The following MRE11 variants were observed in gnomAD, a reference collection of about 807,000 sequenced individuals.
The protein encoded by MRE11 is double-strand break repair protein MRE11.
A neutral mutation model predicts 91.7 loss-of-function variants in MRE11; 62 were observed. That is an observed-to-expected ratio of 0.68 (90% confidence interval 0.55 to 0.84). The LOEUF (loss-of-function observed/expected upper bound fraction) is 0.84. Ranked by LOEUF, MRE11 falls within the 40% of genes least tolerant of loss-of-function variation. MRE11 has a pLI of 0.00. For synonymous variants in MRE11, 273 were observed against 271.4 expected, an observed-to-expected ratio of 1.01 and a Z score of -0.06; for missense variants, 796 against 852.9, an observed-to-expected ratio of 0.93 and a Z score of 0.83.
At position 94,485,863 on chromosome 11, in the gene MRE11, G is replaced by C. The variant is rs1947127115; in HGVS notation, c.314+61C>G. On this transcript the variant is annotated intron_variant, in intron 4 of 19. Transcript: ENST00000323929. ...AGGCAAAACAGTTGTGTGTTTACGT[G>C]TCTTATACAGCAAATACCATACACA... 2.6e-6 allele frequency: 4 copies of C among 1,511,030 alleles called. No homozygotes were observed. In the East Asian group the frequency reaches 9.1e-5, roughly 34 times the overall value. 93.6% of individuals were successfully genotyped at this position (1,511,030 alleles called of 1,614,324 possible).
At chr11:94,491,225 G>T (rs769918638) in intron 2 of MRE11, among the ~76,000 whole-genome samples, 34 of 152,042 alleles carry the variant, frequency 2.2e-4, no homozygotes, top group Non-Finnish European at 3.5e-4. Flanking sequence ...TTATAACCTT[G>T]TTATAACCAG....
chr11:94,476,122 C>T (rs1946848192), intron 7 of MRE11, among the ~76,000 whole-genome samples, 167 bp downstream of exon 7: 1 of 152,070 alleles, frequency 6.6e-6, no homozygotes, highest in Admixed American at 6.5e-5. Flanking sequence ...TTAATATATA[C>T]TAAAAACAAT....
At chr11:94,455,220 C>T (rs938679384) in intron 14 of MRE11, among the ~76,000 whole-genome samples, 2 of 152,076 alleles carry the variant, frequency 1.3e-5, no homozygotes, top group Non-Finnish European at 2.9e-5. Flanking sequence ...CAAATTCTAG[C>T]GCCACTCCAT....
chr11:94,471,425 A>G (rs1946707289), intron 8 of MRE11, 149 bp downstream of exon 8: 5 of 742,434 alleles, frequency 6.7e-6, no homozygotes, highest in Non-Finnish European at 1.1e-5. Context: ...AAGACTACAC[A>G]GAATGATCAA....
rs1263915515 is a variant in MRE11 at position 94,478,780 on chromosome 11, C to A, written c.499G>T (p.Val167Phe). ...MSVEKIDISP[V>F]LLQKGSTKIA... ...TTTGTGCTTCCTTTTTGAAGCAAAA[C>A]CGGACTAATGTCTATCTTCTCCACA... The change falls in exon 6 of 20, where the codon GTT becomes TTT. Residue 167 changes from valine (V) to phenylalanine (F), a missense_variant. Val to Phe is a conservative substitution (Grantham distance 50). Coordinates refer to ENST00000323929, the MANE Select transcript of MRE11 (RefSeq NM_005591.4). The A allele has an allele frequency of 6.2e-7, 1 of 1,613,376 alleles. No homozygotes were observed. Among genetic ancestry groups the A allele is most frequent in the South Asian group, 1.1e-5 (1 of 91,078 alleles).
intron 12 of MRE11, among the ~76,000 whole-genome samples, chr11:94,460,520 T>C (rs1253805642): frequency 6.6e-6 from 1 of 152,242 alleles, no homozygotes. Flanking sequence ...ATAACAGTTA[T>C]GTTAATAATG....
chr11:94,508,895 G>C, the MRE11 span, among the ~76,000 whole-genome samples: 3 of 151,862 alleles, frequency 2.0e-5, no homozygotes, highest in East Asian at 3.9e-4. Context: ...CCCAGTAGCT[G>C]GGATTACAGG....
the MRE11 span, among the ~76,000 whole-genome samples, chr11:94,509,296 G>A: frequency 6.6e-6 from 1 of 151,914 alleles, no homozygotes; most frequent in Non-Finnish European, 1.5e-5. Flanking sequence ...GGCTCTCAAT[G>A]CTGTTATAAA....
chr11:94,450,225 G>A (rs1233259957), intron 14 of MRE11, among the ~76,000 whole-genome samples: 1 of 152,182 alleles, frequency 6.6e-6, no homozygotes, highest in African/African-American at 2.4e-5. Context: ...AACGTTATCA[G>A]TGGCTCATAG....
upstream of MRE11, chr11:94,494,107 T>G (rs1947371393): frequency 6.6e-6 from 1 of 152,178 alleles, no homozygotes; most frequent in Non-Finnish European, 1.5e-5. Flanking sequence ...CCTGAGCCCG[T>G]GGGGGTGGGT....
intron 16 of MRE11, among the ~76,000 whole-genome samples, chr11:94,440,096 G>A (rs576480451): frequency 6.6e-6 from 1 of 152,300 alleles, no homozygotes; most frequent in South Asian, 2.1e-4. Flanking sequence ...TCCAGAGCCT[G>A]CATTCTTAAC....
Position 94,460,827 on chromosome 11 carries a change from A to G in MRE11, c.1326+109T>C, listed in dbSNP as rs1482999596. The stretch of plus-strand genomic sequence containing the variant: ...AATTGTCACCCTACTTACTTCATAG[A>G]AACATTTTGAGGATTCATTTTGTTT... On this transcript the variant is annotated intron_variant, in intron 12 of 19. Transcript: ENST00000323929. The G allele has an allele frequency of 4.4e-6, 4 of 919,434 alleles. No individual in the cohort carries two copies. The African/African-American group carries it at 4.9e-5, about 11-fold the overall frequency. The allele number at this position is 919,434 out of a possible 1,614,324, so 57.0% of individuals were successfully genotyped here.
At chr11:94,498,054 C>CT (rs748359870), upstream of MRE11, 28 of 1,530,274 alleles carry the variant, frequency 1.8e-5, no homozygotes, top group African/African-American at 5.6e-5. Flanking sequence ...TGAAAGATTT[C>CT]TTTTTTTTCT....
At chr11:94,489,391 C>T (rs1179599040) in intron 3 of MRE11, among the ~76,000 whole-genome samples, 2 of 151,920 alleles carry the variant, frequency 1.3e-5, no homozygotes, top group African/African-American at 2.4e-5. Flanking sequence ...AAGATCAAGT[C>T]GAACCTTGTA....
chr11:94,501,590 AT>A, the MRE11 span, among the ~76,000 whole-genome samples: 104 of 152,238 alleles, frequency 6.8e-4, 2 homozygotes, highest in East Asian at 0.018. Flanking sequence ...ATTTAGTCAC[AT>A]TTCAAGTTCT....
At chr11:94,442,250 A>C (rs1945802160) in intron 16 of MRE11, among the ~76,000 whole-genome samples, 1 of 152,190 alleles carries the variant, frequency 6.6e-6, no homozygotes, top group South Asian at 2.1e-4. Flanking sequence ...TACCATCTTT[A>C]GATTCATCAC....
chr11:94,479,764 T>TAAA lies in MRE11; in HGVS notation c.315-6_315-4dup. ...CTTGATAGTTCACCCATGGAAACCT[T>TAAA]AAAAAAAAAAAGTTACTTAAAATTT... On this transcript the variant is annotated splice_polypyrimidine_tract_variant and splice_region_variant and intron_variant, in intron 4 of 19. Transcript: ENST00000323929. The TAAA allele has an allele frequency of 3.8e-6, 5 of 1,304,318 alleles. No individual in the cohort carries two copies. Among genetic ancestry groups the TAAA allele is most frequent in the Non-Finnish European group, 4.2e-6 (4 of 949,070 alleles). The allele number at this position is 1,304,318 out of a possible 1,614,324, so 80.8% of individuals were successfully genotyped here. A position where few individuals can be genotyped will look rare whatever the true frequency, so the allele number is the denominator to read the frequency against.
Position 94,447,340 on chromosome 11 carries a change from C to T in MRE11, c.1662G>A (p.Met554Ile). The T allele has an allele frequency of 6.2e-7, 1 of 1,614,078 alleles. No individual in the cohort carries two copies. Among genetic ancestry groups the T allele is most frequent in the African/African-American group, 1.3e-5 (1 of 75,014 alleles). The change falls in exon 15 of 20, where the codon ATG becomes ATA. Residue 554 changes from methionine (M) to isoleucine (I), a missense_variant. Physicochemically the swap from Met to Ile is conservative, Grantham distance 10 (BLOSUM62 1). Transcript: ENST00000323929. ...AGATGCTATCATCAGAGTCATTAGC[C>T]ATCTGTTCTGCTAAATCTATACTCA... ...DLMSIDLAEQ[M>I]ANDSDDSISA...
At chr11:94,498,035 G>T, upstream of MRE11, 1 of 1,482,202 alleles carries the variant, frequency 6.7e-7, no homozygotes, top group East Asian at 2.3e-5. Context: ...GTTTTGGTTT[G>T]AGTTGAGTTG....
Sources: gnomAD v4.1 joint callset for allele counts (sites outside exome capture counted in the v4.1 genomes callset) on GRCh38, gnomAD v4.1.1 for gene constraint, MANE v1.5 for transcripts, NCBI Gene and HGNC (gene_info 2026-07-23, HGNC 2026-07-21) for gene names.